Variants in ATIC observed in about 807,000 individuals in gnomAD.
ATIC encodes the protein 5-aminoimidazole-4-carboxamide ribonucleotide formyltransferase/IMP cyclohydrolase.
Under a neutral mutation model 72.5 loss-of-function variants are expected in ATIC, and 64 were observed. That is an observed-to-expected ratio of 0.88 (90% CI 0.72 to 1.09). The LOEUF is 1.09. Ranked by LOEUF, ATIC falls within the 50% of genes least tolerant of loss-of-function variation. The pLI is 0.00. For synonymous variants in ATIC, 281 were observed against 267.1 expected, an observed-to-expected ratio of 1.05 and a Z score of -0.51; for missense variants, 787 against 732.4, an observed-to-expected ratio of 1.07 and a Z score of -0.86.
In ATIC at chr2:215,337,891, A is replaced by T. The variant is rs930081350; in HGVS notation, c.1099-888A>T. Among the ~76,000 whole-genome samples, 55 of 152,236 alleles carry T rather than the reference A, an allele frequency of 3.6e-4. 3 individuals carry two copies. ...TTGGCTTAGTTTGCACATTGGACGC[A>T]TGATTATAAGCATGAGACAACTTAT... On this transcript the variant is annotated intron_variant, in intron 11 of 15. Coordinates refer to ENST00000236959, the MANE Select transcript of ATIC (RefSeq NM_004044.7).
chr2:215,344,690 AC>A, intron 12 of ATIC, 88 bp from the exon 13 acceptor site: 1 of 1,320,336 alleles, frequency 7.6e-7, no homozygotes, highest in Non-Finnish European at 1.1e-6. Context: ...ACTCAAAAAA[AC>A]CACAAAAAAT....
At chr2:215,355,346 T>C in the ATIC span, among the ~76,000 whole-genome samples, 3 of 152,196 alleles carry the variant, frequency 2.0e-5, no homozygotes, top group East Asian at 3.9e-4. Flanking sequence ...AATGATCTTA[T>C]GTCTGTTGTT....
chr2:215,368,037 AAAGG>A, the ATIC span: 1 of 1,614,038 alleles, frequency 6.2e-7, no homozygotes, highest in Non-Finnish European at 8.5e-7. Context: ...ACTATGAAGA[AAAGG>A]AAGAAAAAGC....
chr2:215,362,403 T>C, the ATIC span: 1,389 of 338,168 alleles, frequency 4.1e-3, 13 homozygotes, highest in East Asian at 0.024. Context: ...CACTAGATGA[T>C]AGAAAAGGTT....
downstream of ATIC, among the ~76,000 whole-genome samples, chr2:215,350,391 C>CTTT (rs1342525511): frequency 2.0e-5 from 3 of 152,148 alleles, no homozygotes; most frequent in Non-Finnish European, 2.9e-5. Context: ...CCCTGGCCTC[C>CTTT]CAAAGTGCTG....
chr2:215,349,036 C>A (rs970780384), intron 14 of ATIC, 58 bp from the exon 15 acceptor site: 5 of 1,579,622 alleles, frequency 3.2e-6, no homozygotes, highest in Non-Finnish European at 3.5e-6. Context: ...TGATTTGCAC[C>A]ACATAGAACT....
At chr2:215,358,763 T>C in the ATIC span, among the ~76,000 whole-genome samples, 1 of 152,264 alleles carries the variant, frequency 6.6e-6, no homozygotes, top group African/African-American at 2.4e-5. Context: ...TTGGAAAAGG[T>C]GGCATTTTTC....
Position 215,349,741 on chromosome 2 carries a change from A to G in ATIC, c.*86A>G. 1 of 1,603,732 alleles carries G rather than the reference A, an allele frequency of 6.2e-7. No homozygotes were observed. Among genetic ancestry groups the G allele is most frequent in the Non-Finnish European group, 8.5e-7 (1 of 1,170,912 alleles). On this transcript the variant is annotated 3_prime_UTR_variant, in exon 16 of 16. Coordinates refer to ENST00000236959, the MANE Select transcript of ATIC (RefSeq NM_004044.7). Reference sequence around the variant, plus strand: ...TTGAGGATAACTTTTTAAAAAAATAAAACAGTATCTCTTAATCACTGGATC... The same window carrying G: ...TTGAGGATAACTTTTTAAAAAAATAGAACAGTATCTCTTAATCACTGGATC...
At chr2:215,363,877 G>C in the ATIC span, among the ~76,000 whole-genome samples, 1 of 152,172 alleles carries the variant, frequency 6.6e-6, no homozygotes, top group Non-Finnish European at 1.5e-5. Flanking sequence ...CTTAAATAAT[G>C]GGTTGCCAAG....
intron 6 of ATIC, 80 bp downstream of exon 6, chr2:215,326,218 G>A: frequency 6.4e-7 from 1 of 1,559,010 alleles, no homozygotes; most frequent in Non-Finnish European, 8.8e-7. Context: ...TCAGTTCTTG[G>A]TAGATTGCAT....
chr2:215,351,875 A>T (rs1252545218), downstream of ATIC, among the ~76,000 whole-genome samples: 1 of 152,232 alleles, frequency 6.6e-6, no homozygotes. Flanking sequence ...CAATAGTGTC[A>T]TGTTGCTAGG....
chr2:215,360,722 C>T, the ATIC span: 1 of 152,592 alleles, frequency 6.6e-6, no homozygotes, highest in Non-Finnish European at 1.5e-5. Flanking sequence ...TTTGTAGCAA[C>T]TGATTTAGAA....
At chr2:215,352,641 C>T (rs529839716), downstream of ATIC, among the ~76,000 whole-genome samples, 50 of 152,072 alleles carry the variant, frequency 3.3e-4, no homozygotes, top group Non-Finnish European at 6.6e-4. Flanking sequence ...AAGTATATAA[C>T]CACATTCAAG....
intron 10 of ATIC, among the ~76,000 whole-genome samples, chr2:215,335,432 G>T (rs1159302155): frequency 6.6e-6 from 1 of 152,144 alleles, no homozygotes; most frequent in Admixed American, 6.6e-5. Flanking sequence ...GGTACTGTTG[G>T]TAGTAGGAAG....
chr2:215,336,020 T>C lies in ATIC; in HGVS notation c.1009-15T>C. The C allele has an allele frequency of 6.3e-7, 1 of 1,578,760 alleles. No homozygotes were observed. Among genetic ancestry groups the C allele is most frequent in the Non-Finnish European group, 8.7e-7 (1 of 1,151,322 alleles). ...GATTTTTAAAAATAGAAATTAAAAT[T>C]TAATATTTTTGCAGGTATCTGATGG... On this transcript the variant is annotated splice_polypyrimidine_tract_variant and intron_variant, in intron 10 of 15. Transcript: ENST00000236959.
Position 215,332,414 on chromosome 2 carries a change from T to C in ATIC, c.721T>C (p.Cys241Arg). The C allele has an allele frequency of 1.9e-6, 3 of 1,614,164 alleles. No homozygotes were observed. Among genetic ancestry groups the C allele is most frequent in the Non-Finnish European group, 2.5e-6 (3 of 1,180,030 alleles). ...TGGAGCCCCTGGATTTATAAACTTG[T>C]GCGATGCTTTGAACGCCTGGCAGCT... ...LNGAPGFINL[C>R]DALNAWQLVK... is the part of the protein sequence containing the mutation. The change falls in exon 8 of 16, where the codon TGC becomes CGC. Residue 241 changes from cysteine to arginine, a missense_variant. Cys to Arg is a radical substitution (Grantham distance 180). Coordinates refer to ENST00000236959, the MANE Select transcript of ATIC (RefSeq NM_004044.7).
intron 4 of ATIC, among the ~76,000 whole-genome samples, chr2:215,323,187 C>T (rs1575115609): frequency 2.6e-5 from 4 of 152,080 alleles, no homozygotes; most frequent in Admixed American, 6.6e-5. Flanking sequence ...CCTCGTGATC[C>T]GCCCGCCTCG....
intron 1 of ATIC, 143 bp from the exon 2 acceptor site, chr2:215,312,355 G>A: frequency 1.3e-6 from 2 of 1,528,772 alleles, no homozygotes; most frequent in South Asian, 1.1e-5. Context: ...TAAGACCTGG[G>A]GAGGCCCGGA....
intron 12 of ATIC, among the ~76,000 whole-genome samples, chr2:215,342,020 G>A: frequency 6.6e-6 from 1 of 151,430 alleles, no homozygotes; most frequent in East Asian, 1.9e-4. Context: ...CTTACTGTCA[G>A]ATCTCATGAG....
Sources: allele counts gnomAD v4.1 joint callset (sites outside exome capture counted in the v4.1 genomes callset), GRCh38; gene constraint gnomAD v4.1.1; transcripts MANE v1.5; gene names NCBI Gene and HGNC (gene_info 2026-07-23, HGNC 2026-07-21).